The following MAP3K15 variants were observed in gnomAD, a reference collection of about 807,000 sequenced individuals.
MAP3K15 encodes the protein MAPK/ERK kinase kinase 15.
Under a neutral mutation model 99.5 loss-of-function variants are expected in MAP3K15, and 124 were observed. The observed-to-expected ratio is 1.25, with a 90% CI of 1.08 to 1.45. MAP3K15 has a LOEUF of 1.45. Ranked by LOEUF, MAP3K15 falls within the 40% of genes most tolerant of loss-of-function variation. The pLI is 0.00. For synonymous variants in MAP3K15, 494 were observed against 439.6 expected (o/e 1.12, Z -1.55); for missense variants, 1,242 against 1,079.7 (o/e 1.15, Z -2.11).
intron 3 of MAP3K15, among the ~76,000 whole-genome samples, chrX:19,465,611 G>T (rs750967630): frequency 9.2e-6 from 1 of 108,455 alleles, no homozygotes; most frequent in Non-Finnish European, 1.9e-5. Flanking sequence ...AAAATTAACC[G>T]GGTGTGGTAG....
intron 3 of MAP3K15, among the ~76,000 whole-genome samples, chrX:19,483,114 C>T (rs1212444237): frequency 1.8e-5 from 2 of 109,453 alleles, no homozygotes; most frequent in African/African-American, 3.3e-5. Context: ...AAAAATTAGC[C>T]GGTCATGGTG....
At position 19,392,443 on chromosome X, in the gene MAP3K15, C is replaced by T; in HGVS notation, c.2225G>A (p.Trp742Ter). 3.3e-6 allele frequency: 4 copies of T among 1,210,827 alleles called. No individual in the cohort carries two copies. Among genetic ancestry groups the T allele is most frequent in the Non-Finnish European group, 3.4e-6 (3 of 894,830 alleles). The change falls in exon 17 of 29, where the codon TGG (tryptophan) becomes TAG (stop). Residue 742 changes from tryptophan to a stop codon, truncating the protein, a stop_gained. Transcript: ENST00000338883. LOFTEE classifies it high-confidence loss of function. ...GATTGTCGGTTCCTTCATCGGCCCC[C>T]ATTTGGATCGCAGAAGAGCAGAAAG... The part of the protein sequence containing the change: ...GSLSALLRSK[W>*]GPMKEPTIKF...
chrX:19,510,444 C>T (rs1403307756), intron 1 of MAP3K15, among the ~76,000 whole-genome samples: 3 of 112,029 alleles, frequency 2.7e-5, no homozygotes, highest in African/African-American at 9.7e-5. Flanking sequence ...ATGACAAAAA[C>T]CACAATTATC....
chrX:19,442,696 TATTATTATTATTATTATTATC>T (rs1040837759), intron 6 of MAP3K15, among the ~76,000 whole-genome samples: 2 of 98,335 alleles, frequency 2.0e-5, no homozygotes. Context: ...GCTTTTATTT[TATTATTATTATTATTATTATC>T]ATTATTATTA....
In MAP3K15 at chrX:19,380,152, C is replaced by T; in HGVS notation, c.2557G>A (p.Glu853Lys). The T allele has an allele frequency of 8.3e-7, 1 of 1,199,034 alleles. No individual in the cohort carries two copies. The highest frequency in any genetic ancestry group is 1.7e-5 in the African/African-American group (1 of 57,473). Residue 853 changes from glutamate to lysine, a missense_variant, in exon 19 of 29, where the codon GAG becomes AAG. Glu to Lys is a moderately conservative substitution (Grantham distance 56, BLOSUM62 1). Coordinates refer to ENST00000338883, the MANE Select transcript of MAP3K15 (RefSeq NM_001001671.4). Reference sequence around the variant, plus strand: ...ATGGCTGCCTGCGGCTCACCAAGCTCATGGAACGGAGGCTTGCTGGTGGCC... The same window carrying T: ...ATGGCTGCCTGCGGCTCACCAAGCTTATGGAACGGAGGCTTGCTGGTGGCC... ...EMATSKPPFH[E>K]LGEPQAAMFK...
At chrX:19,422,349 T>A (rs1248272877) in intron 9 of MAP3K15, among the ~76,000 whole-genome samples, 1 of 109,541 alleles carries the variant, frequency 9.1e-6, no homozygotes, top group Non-Finnish European at 1.9e-5. Context: ...AAACAAACAA[T>A]CCCATCAAAA....
intron 6 of MAP3K15, among the ~76,000 whole-genome samples, chrX:19,443,779 A>T (rs1220398047): frequency 9.0e-6 from 1 of 111,218 alleles, no homozygotes; most frequent in African/African-American, 3.3e-5. Flanking sequence ...GCCAGGCCAC[A>T]TGGAGTCATT....
rs770538258 is a variant in MAP3K15 at position 19,396,578 on chromosome X, T to C, written c.2067-1370A>G. On this transcript the variant is annotated intron_variant, in intron 15 of 28. Coordinates refer to ENST00000338883, the MANE Select transcript of MAP3K15 (RefSeq NM_001001671.4). ...GGTGAAATGAAGAAATGGAAATAGT[T>C]CATTTCAGGTCCTGTCTCATAATTC... 2.7e-5 allele frequency among the ~76,000 whole-genome samples: 3 copies of C among 112,353 alleles called. No individual in the cohort carries two copies. In the South Asian group the frequency reaches 1.1e-3, roughly 42 times the overall value.
intron 5 of MAP3K15, among the ~76,000 whole-genome samples, chrX:19,458,198 G>A (rs748503251): frequency 8.9e-6 from 1 of 111,881 alleles, no homozygotes; most frequent in Non-Finnish European, 1.9e-5. Flanking sequence ...AGAAGGCAGG[G>A]TATTCCAAGA....
At chrX:19,380,616 C>A (rs1168208915) in intron 18 of MAP3K15, among the ~76,000 whole-genome samples, 1 of 111,424 alleles carries the variant, frequency 9.0e-6, no homozygotes, top group East Asian at 2.8e-4. Flanking sequence ...AACTCCGCCT[C>A]CCGGGTTCAA....
At chrX:19,373,514 G>A (rs1211326230) in intron 21 of MAP3K15, 22 bp downstream of exon 21, 3 of 1,163,535 alleles carry the variant, frequency 2.6e-6, no homozygotes, top group Non-Finnish European at 3.4e-6. Flanking sequence ...GCCCGCGGCA[G>A]ACAGACAGAA....
chrX:19,447,075 C>A (rs141430891), intron 6 of MAP3K15, among the ~76,000 whole-genome samples: 10 of 110,041 alleles, frequency 9.1e-5, no homozygotes, highest in African/African-American at 3.3e-4. Context: ...ACCACCACAC[C>A]GGCTAATTTT....
intron 1 of MAP3K15, among the ~76,000 whole-genome samples, chrX:19,506,616 G>A (rs934667830): frequency 1.8e-5 from 2 of 111,402 alleles, no homozygotes; most frequent in South Asian, 3.8e-4. Context: ...TCCACCTCAC[G>A]GGTTCAAGCG....
At chrX:19,467,824 G>A (rs182345216) in intron 3 of MAP3K15, among the ~76,000 whole-genome samples, 17 of 109,723 alleles carry the variant, frequency 1.5e-4, no homozygotes, top group South Asian at 8.1e-4. Flanking sequence ...GCAAGACTCC[G>A]TCTCAAAACA....
At chrX:19,465,774 A>G (rs1032302199) in intron 3 of MAP3K15, among the ~76,000 whole-genome samples, 1 of 107,999 alleles carries the variant, frequency 9.3e-6, no homozygotes, top group Non-Finnish European at 1.9e-5. Flanking sequence ...AAACAAAACC[A>G]AAACCCACAA....
At position 19,379,356 on chromosome X, in the gene MAP3K15, T is replaced by C. The variant is rs369272807; in HGVS notation, c.2589+764A>G. On this transcript the variant is annotated intron_variant, in intron 19 of 28. Transcript: ENST00000338883. ...TTTCATAACTCTGCTCTCCCAGAAA[T>C]AGGAAGGTAGGTTTCTAACTTTGAT... 5.6e-5 allele frequency among the ~76,000 whole-genome samples: 6 copies of C among 107,081 alleles called. No individual in the cohort carries two copies. In the East Asian group the frequency reaches 1.7e-3, roughly 31 times the overall value. 93.0% of individuals were successfully genotyped at this position (107,081 alleles called of 115,157 possible).
chrX:19,379,079 AG>A (rs1772396634), intron 19 of MAP3K15, among the ~76,000 whole-genome samples: 1 of 111,006 alleles, frequency 9.0e-6, no homozygotes, highest in Non-Finnish European at 1.9e-5. Context: ...ATAAAGGGAA[AG>A]GACCCTCCCC....
intron 1 of MAP3K15, among the ~76,000 whole-genome samples, chrX:19,509,368 G>A (rs1363150148): frequency 1.8e-5 from 2 of 111,678 alleles, no homozygotes; most frequent in Non-Finnish European, 3.8e-5. Flanking sequence ...CTCAGCAAAT[G>A]CAAAAGAACA....
intron 18 of MAP3K15, among the ~76,000 whole-genome samples, chrX:19,384,479 C>G (rs1344016034): frequency 1.8e-5 from 2 of 109,911 alleles, no homozygotes; most frequent in African/African-American, 6.6e-5. Context: ...GTGGCTCATG[C>G]CTGCAATCCC....
Sources: gnomAD v4.1 joint callset for allele counts (sites outside exome capture counted in the v4.1 genomes callset) on GRCh38, gnomAD v4.1.1 for gene constraint, MANE v1.5 for transcripts, NCBI Gene and HGNC (gene_info 2026-07-23, HGNC 2026-07-21) for gene names.